Variants in C10orf90 observed in about 807,000 individuals in gnomAD.
C10orf90 encodes the protein (E2-independent) E3 ubiquitin-conjugating enzyme FATS.
In C10orf90, 56 loss-of-function variants were observed where a neutral mutation model predicts 62.5. That is an observed-to-expected ratio of 0.90 (90% CI 0.72 to 1.12). The LOEUF is 1.12. C10orf90 is among the 50% of genes most tolerant of loss of function. The pLI, the probability that C10orf90 is intolerant of heterozygous loss-of-function variation, is 0.00. For missense variants in C10orf90, 970 were observed against 880.4 expected, an observed-to-expected ratio of 1.10 and a Z score of -1.29; for synonymous variants, 386 against 340.4, an observed-to-expected ratio of 1.13 and a Z score of -1.47.
At chr10:126,541,579 A>G (rs1864378187) in intron 2 of C10orf90, among the ~76,000 whole-genome samples, 1 of 152,236 alleles carries the variant, frequency 6.6e-6, no homozygotes, top group African/African-American at 2.4e-5. Context: ...GTGAATGGCC[A>G]AAAAGCACAT....
intron 2 of C10orf90, among the ~76,000 whole-genome samples, chr10:126,544,565 C>T (rs114686735): frequency 1.3e-4 from 20 of 151,404 alleles, no homozygotes; most frequent in African/African-American, 3.9e-4. Context: ...TCCTTTCCAT[C>T]GAAAGTTAAC....
At chr10:126,647,626 G>A (rs1846198564) in intron 1 of C10orf90, among the ~76,000 whole-genome samples, 1 of 152,192 alleles carries the variant, frequency 6.6e-6, no homozygotes, top group South Asian at 2.1e-4. Flanking sequence ...GAGCCAGAGA[G>A]TTATTTTCTA....
chr10:126,565,865 C>A lies in C10orf90; in HGVS notation c.314-51926G>T, dbSNP rs531906531. On this transcript the variant is annotated intron_variant, in intron 2 of 9. Coordinates refer to ENST00000488181, the MANE Select transcript of C10orf90 (RefSeq NM_001350921.2). Reference sequence around the variant, plus strand: ...GAACCACCTCTCAGATGCTGTGCTGCACATGCAAGCAAATGCACCTAACAG... The same window carrying A: ...GAACCACCTCTCAGATGCTGTGCTGAACATGCAAGCAAATGCACCTAACAG... Among the ~76,000 whole-genome samples the A allele has an allele frequency of 4.6e-5, 7 of 152,278 alleles. No individual in the cohort carries two copies. In the South Asian group the frequency reaches 1.5e-3, roughly 32 times the overall value.
chr10:126,611,368 G>A (rs2133802471), intron 2 of C10orf90, among the ~76,000 whole-genome samples: 1 of 152,308 alleles, frequency 6.6e-6, no homozygotes, highest in Admixed American at 6.5e-5. Context: ...CTGTTGTATA[G>A]ATGGACCACA....
rs140891418 is a variant in C10orf90 at position 126,519,607 on chromosome 10, T to C, written c.314-5668A>G. 9.2e-4 allele frequency among the ~76,000 whole-genome samples: 140 copies of C among 152,342 alleles called. 1 individual carries two copies. Among genetic ancestry groups the C allele is most frequent in the African/African-American group, 3.3e-3 (138 of 41,582 alleles). The stretch of plus-strand genomic sequence containing the variant: ...CAAGGTTTATTCTGAATTTTCACCA[T>C]CCTTTTAAAAATACTCTCTGTTAAT... On this transcript the variant is annotated intron_variant, in intron 2 of 9. Transcript: ENST00000488181.
At chr10:126,558,775 T>C (rs1262547484) in intron 2 of C10orf90, among the ~76,000 whole-genome samples, 1 of 152,214 alleles carries the variant, frequency 6.6e-6, no homozygotes, top group East Asian at 1.9e-4. Context: ...TAGTAATGTG[T>C]CTCTCTTCTT....
intron 2 of C10orf90, among the ~76,000 whole-genome samples, chr10:126,532,762 G>A (rs1025385516): frequency 2.9e-5 from 4 of 137,100 alleles, no homozygotes; most frequent in Admixed American, 7.7e-5. Context: ...GCGTGAACCC[G>A]GGAGGCGGAG....
chr10:126,642,811 C>A (rs929077642), intron 2 of C10orf90, among the ~76,000 whole-genome samples: 1 of 152,130 alleles, frequency 6.6e-6, no homozygotes, highest in African/African-American at 2.4e-5. Context: ...GTCACATTGA[C>A]CTCTCACACG....
chr10:126,579,074 A>T (rs35141114), intron 2 of C10orf90, among the ~76,000 whole-genome samples: 4,422 of 139,756 alleles, frequency 0.032, 90 homozygotes, highest in Middle Eastern at 0.068. Flanking sequence ...TTTTTTTTAA[A>T]AAAAAAAACC....
chr10:126,522,596 G>T (rs1343348652), intron 2 of C10orf90: 1 of 152,194 alleles, frequency 6.6e-6, no homozygotes, highest in Non-Finnish European at 1.5e-5. Context: ...CGTTTATCAT[G>T]AGCCACACAC....
chr10:126,572,394 A>G (rs1196385506), intron 2 of C10orf90, among the ~76,000 whole-genome samples: 2 of 152,158 alleles, frequency 1.3e-5, no homozygotes, highest in African/African-American at 2.4e-5. Context: ...GTAAAGGAAT[A>G]AAAGAATGGC....
chr10:126,437,972 G>C (rs1698284887), intron 7 of C10orf90, among the ~76,000 whole-genome samples: 1 of 152,182 alleles, frequency 6.6e-6, no homozygotes, highest in Admixed American at 6.5e-5. Context: ...CTTCCCCCTT[G>C]ATCTTATTTT....
chr10:126,580,740 TTGTG>T (rs10546684), intron 2 of C10orf90, among the ~76,000 whole-genome samples: 4,050 of 151,982 alleles, frequency 0.027, 173 homozygotes, highest in African/African-American at 0.091. Flanking sequence ...TGTATTGTGT[TTGTG>T]TGTGTGCATG....
Position 126,584,028 on chromosome 10 carries a change from G to GA in C10orf90, c.313+62536dup, listed in dbSNP as rs1233058378. Among the ~76,000 whole-genome samples the GA allele has an allele frequency of 2.0e-5, 3 of 152,198 alleles. No individual in the cohort carries two copies. The East Asian group carries it at 5.8e-4, about 29-fold the overall frequency. On this transcript the variant is annotated intron_variant, in intron 2 of 9. Transcript: ENST00000488181. ...CCAGCTACCGGGGAGGCTGAGGTGA[G>GA]AAAATCACCTGAGCCCAGGAAATCA... is the stretch of plus-strand genomic sequence containing the variant.
intron 1 of C10orf90, among the ~76,000 whole-genome samples, chr10:126,666,869 A>T (rs1049564347): frequency 6.0e-5 from 9 of 150,902 alleles, no homozygotes; most frequent in Non-Finnish European, 8.9e-5. Flanking sequence ...AATCCCAGCT[A>T]CTCAGGAGGC....
intron 4 of C10orf90, among the ~76,000 whole-genome samples, chr10:126,485,878 C>T (rs1411895136): frequency 3.3e-5 from 5 of 151,036 alleles, no homozygotes; most frequent in South Asian, 2.1e-4. Flanking sequence ...ACCCGGGAGG[C>T]GGAGCTTGCA....
chr10:126,492,801 T>C (rs901026586), intron 4 of C10orf90, among the ~76,000 whole-genome samples: 15 of 152,238 alleles, frequency 9.9e-5, no homozygotes, highest in African/African-American at 3.6e-4. Flanking sequence ...AAAGCTGATA[T>C]GTATGTACAG....
At chr10:126,572,894 A>G (rs1844535844) in intron 2 of C10orf90, among the ~76,000 whole-genome samples, 2 of 152,134 alleles carry the variant, frequency 1.3e-5, no homozygotes, top group Admixed American at 1.3e-4. Context: ...AAAAGGAGGC[A>G]TGAGTAATCC....
intron 8 of C10orf90, 117 bp from the exon 9 acceptor site, chr10:126,426,207 G>A (rs1200045970): frequency 1.2e-6 from 1 of 820,686 alleles, no homozygotes; most frequent in African/African-American, 1.7e-5. Flanking sequence ...CGCTGCTTAT[G>A]GGCTAGCTCA....
Sources: gnomAD v4.1 joint callset for allele counts (sites outside exome capture counted in the v4.1 genomes callset) on GRCh38, gnomAD v4.1.1 for gene constraint, MANE v1.5 for transcripts, NCBI Gene and HGNC (gene_info 2026-07-23, HGNC 2026-07-21) for gene names.